Variants in KCNH5 observed in about 807,000 individuals in gnomAD.
The protein encoded by KCNH5 is voltage-gated delayed rectifier potassium channel KCNH5.
KCNH5 carries 46 observed loss-of-function variants against 96.1 expected under a neutral mutation model. That is an observed-to-expected ratio of 0.48 (90% CI 0.38 to 0.61). The LOEUF (loss-of-function observed/expected upper bound fraction) is 0.61. Ranked by LOEUF, KCNH5 falls within the 20% of genes least tolerant of loss-of-function variation. The pLI is 0.00. For synonymous variants in KCNH5, 439 were observed against 449.8 expected (o/e 0.98, Z 0.30); for missense variants, 907 against 1,225.8 (o/e 0.74, Z 3.88).
intron 8 of KCNH5, among the ~76,000 whole-genome samples, chr14:62,843,863 TATA>T (rs1887638838): frequency 6.6e-6 from 1 of 152,036 alleles, no homozygotes; most frequent in Non-Finnish European, 1.5e-5. Flanking sequence ...TGTATGAAAA[TATA>T]ATCCATTTTT....
intron 10 of KCNH5, among the ~76,000 whole-genome samples, chr14:62,751,220 A>G (rs1214544490): frequency 1.3e-5 from 2 of 152,330 alleles, no homozygotes; most frequent in East Asian, 3.9e-4. Flanking sequence ...GGGCCATTCA[A>G]GAGAAAACCA....
intron 7 of KCNH5, among the ~76,000 whole-genome samples, chr14:62,938,469 T>G (rs1889727474): frequency 6.6e-6 from 1 of 152,224 alleles, no homozygotes; most frequent in African/African-American, 2.4e-5. Flanking sequence ...ATCCCCTCTC[T>G]GGCCATATCA....
At chr14:62,741,452 C>T (rs537603104) in intron 10 of KCNH5, among the ~76,000 whole-genome samples, 55 of 152,192 alleles carry the variant, frequency 3.6e-4, no homozygotes, top group African/African-American at 1.3e-3. Flanking sequence ...ACCAAACCAA[C>T]TGTGAATCAA....
chr14:62,984,119 G>A (rs1249421387), intron 5 of KCNH5, among the ~76,000 whole-genome samples: 3 of 152,098 alleles, frequency 2.0e-5, no homozygotes, highest in African/African-American at 4.8e-5. Context: ...TCATTGTTAT[G>A]TCATTTGTGC....
chr14:62,965,145 T>C (rs1318219782), intron 6 of KCNH5, among the ~76,000 whole-genome samples: 1 of 152,124 alleles, frequency 6.6e-6, no homozygotes, highest in Non-Finnish European at 1.5e-5. Flanking sequence ...ATTTAAAGGA[T>C]GACATTCAGA....
intron 10 of KCNH5, among the ~76,000 whole-genome samples, chr14:62,731,903 C>T (rs1296523069): frequency 6.6e-6 from 1 of 152,166 alleles, no homozygotes; most frequent in Non-Finnish European, 1.5e-5. Context: ...TTGAGTTACA[C>T]ATTCAGGCTG....
intron 7 of KCNH5, among the ~76,000 whole-genome samples, chr14:62,870,869 C>A (rs1442697961): frequency 6.6e-6 from 1 of 152,112 alleles, no homozygotes; most frequent in African/African-American, 2.4e-5. Context: ...GTTGCTTGTT[C>A]AAGGTCAAAC....
At chr14:63,014,899 T>G (rs1891296839) in intron 2 of KCNH5, among the ~76,000 whole-genome samples, 1 of 152,102 alleles carries the variant, frequency 6.6e-6, no homozygotes, top group South Asian at 2.1e-4. Flanking sequence ...GAACTCTCTA[T>G]GGACCTGTTC....
At chr14:62,800,458 C>T (rs1291149840) in intron 9 of KCNH5, among the ~76,000 whole-genome samples, 2 of 152,062 alleles carry the variant, frequency 1.3e-5, no homozygotes, top group Admixed American at 6.5e-5. Flanking sequence ...AGGCACTGTA[C>T]CCAGGACTTT....
At chr14:62,910,145 TACACAC>T (rs111386925) in intron 7 of KCNH5, among the ~76,000 whole-genome samples, 33 of 144,042 alleles carry the variant, frequency 2.3e-4, no homozygotes, top group African/African-American at 2.8e-4. Flanking sequence ...ACTAACATGT[TACACAC>T]ACACACACAC....
intron 5 of KCNH5, among the ~76,000 whole-genome samples, chr14:62,984,947 T>A (rs974658131): frequency 2.6e-5 from 4 of 152,134 alleles, no homozygotes; most frequent in Admixed American, 2.0e-4. Context: ...CTCTGTTGTG[T>A]AACAGACAAA....
intron 9 of KCNH5, among the ~76,000 whole-genome samples, chr14:62,783,983 T>G (rs765699979): frequency 3.3e-5 from 5 of 151,042 alleles, no homozygotes; most frequent in Non-Finnish European, 5.9e-5. Flanking sequence ...TATAATGTAT[T>G]TTATAATTAT....
intron 8 of KCNH5, among the ~76,000 whole-genome samples, chr14:62,819,827 CT>C (rs1887077603): frequency 6.6e-6 from 1 of 152,082 alleles, no homozygotes; most frequent in South Asian, 2.1e-4. Context: ...GTGTATATAC[CT>C]TTCTATGATA....
intron 10 of KCNH5, among the ~76,000 whole-genome samples, chr14:62,710,505 A>G (rs1037804912): frequency 1.3e-5 from 2 of 152,248 alleles, no homozygotes; most frequent in African/African-American, 4.8e-5. Flanking sequence ...CAGACACAGG[A>G]ACGCAGATAC....
intron 7 of KCNH5, among the ~76,000 whole-genome samples, chr14:62,859,799 G>T (rs1252387568): frequency 6.6e-6 from 1 of 152,136 alleles, no homozygotes; most frequent in Non-Finnish European, 1.5e-5. Context: ...TCCACTTTCG[G>T]GTGATACCTG....
chr14:62,793,110 C>A (rs1202374441), intron 9 of KCNH5, among the ~76,000 whole-genome samples: 1 of 151,620 alleles, frequency 6.6e-6, no homozygotes, highest in Non-Finnish European at 1.5e-5. Flanking sequence ...TTCATAGAAG[C>A]AGAGAATATA....
At chr14:62,788,473 A>C (rs922236834) in intron 9 of KCNH5, among the ~76,000 whole-genome samples, 6 of 152,328 alleles carry the variant, frequency 3.9e-5, no homozygotes, top group African/African-American at 1.4e-4. Context: ...ATACTAGTTC[A>C]TAAACTCAGT....
At chr14:62,987,019 G>A (rs2139575095) in intron 5 of KCNH5, 53 bp downstream of exon 5, 1 of 1,190,608 alleles carries the variant, frequency 8.4e-7, no homozygotes, top group South Asian at 1.2e-5. Flanking sequence ...TTTTAGGGAA[G>A]AAAAATGTAC....
chr14:62,757,011 C>T (rs1348748684), intron 10 of KCNH5, among the ~76,000 whole-genome samples: 1 of 152,118 alleles, frequency 6.6e-6, no homozygotes, highest in African/African-American at 2.4e-5. Context: ...AGAAAACCCA[C>T]AGAATTGGAG....
Sources: gnomAD v4.1 joint callset for allele counts (sites outside exome capture counted in the v4.1 genomes callset) on GRCh38, gnomAD v4.1.1 for gene constraint, MANE v1.5 for transcripts, NCBI Gene and HGNC (gene_info 2026-07-23, HGNC 2026-07-21) for gene names.